The following NXPE2 variants were observed in gnomAD, a reference collection of about 807,000 sequenced individuals.
The protein encoded by NXPE2 is NXPE family member 2.
A neutral mutation model predicts 34.4 loss-of-function variants in NXPE2; 34 were observed. The ratio of observed to expected loss-of-function variants is 0.99; its 90% CI spans 0.75 to 1.31. The LOEUF (loss-of-function observed/expected upper bound fraction) is 1.31. Ranked by LOEUF, NXPE2 falls within the 40% of genes most tolerant of loss-of-function variation. NXPE2 has a pLI of 0.00. For synonymous variants in NXPE2, 235 were observed against 231.3 expected, an observed-to-expected ratio of 1.02 and a Z score of -0.15; for missense variants, 649 against 672.5, an observed-to-expected ratio of 0.97 and a Z score of 0.39.
intron 2 of NXPE2, among the ~76,000 whole-genome samples, chr11:114,685,295 C>T (rs935907146): frequency 1.3e-5 from 2 of 152,256 alleles, no homozygotes; most frequent in African/African-American, 2.4e-5. Flanking sequence ...ATTCTGGAAG[C>T]TGCAAAGTCC....
At chr11:114,606,112 T>C in the NXPE2 span, among the ~76,000 whole-genome samples, 1 of 151,506 alleles carries the variant, frequency 6.6e-6, no homozygotes, top group African/African-American at 2.4e-5. Context: ...CACTGTTATC[T>C]GGTGGATAAT....
chr11:114,557,740 A>T, the NXPE2 span, among the ~76,000 whole-genome samples: 1 of 148,804 alleles, frequency 6.7e-6, no homozygotes, highest in East Asian at 2.0e-4. Flanking sequence ...GCCGTTCTCT[A>T]CTGTCATTTG....
the NXPE2 span, among the ~76,000 whole-genome samples, chr11:114,506,182 C>T: frequency 5.8e-4 from 88 of 150,468 alleles, no homozygotes; most frequent in African/African-American, 2.1e-3. Context: ...GAAGATCTAG[C>T]CAACTTAAAT....
At chr11:114,638,636 G>A in the NXPE2 span, among the ~76,000 whole-genome samples, 1 of 151,972 alleles carries the variant, frequency 6.6e-6, no homozygotes, top group East Asian at 1.9e-4. Flanking sequence ...GTACAGATAG[G>A]TTTTTGGTGT....
chr11:114,764,523 T>C, the NXPE2 span, among the ~76,000 whole-genome samples: 4 of 152,308 alleles, frequency 2.6e-5, no homozygotes, highest in East Asian at 7.7e-4. Flanking sequence ...TGTTACCAAC[T>C]GATGAGTCTG....
the NXPE2 span, chr11:114,526,789 G>A: frequency 1.3e-5 from 2 of 152,146 alleles, no homozygotes; most frequent in African/African-American, 4.8e-5. Context: ...ATTTTTTAGT[G>A]TAAGTATGGT....
chr11:114,467,760 C>T, the NXPE2 span, among the ~76,000 whole-genome samples: 3 of 151,808 alleles, frequency 2.0e-5, no homozygotes, highest in African/African-American at 7.2e-5. Flanking sequence ...CATGGTGAAA[C>T]CCCATCTCTA....
At chr11:114,781,963 A>G in the NXPE2 span, among the ~76,000 whole-genome samples, 24 of 152,282 alleles carry the variant, frequency 1.6e-4, no homozygotes, top group Admixed American at 6.5e-4. Flanking sequence ...TAGAAATGAC[A>G]TATGTGCAGT....
chr11:114,512,325 C>T, the NXPE2 span, among the ~76,000 whole-genome samples: 1 of 152,132 alleles, frequency 6.6e-6, no homozygotes, highest in Admixed American at 6.5e-5. Flanking sequence ...TCACTTTCCC[C>T]CTGTCTAATT....
At chr11:114,539,573 G>A in the NXPE2 span, among the ~76,000 whole-genome samples, 5 of 152,062 alleles carry the variant, frequency 3.3e-5, no homozygotes, top group African/African-American at 9.7e-5. Flanking sequence ...ACATGATAAA[G>A]TTGTTAATTC....
the NXPE2 span, among the ~76,000 whole-genome samples, chr11:114,603,481 T>C: frequency 2.0e-5 from 3 of 151,400 alleles, no homozygotes; most frequent in African/African-American, 7.3e-5. Flanking sequence ...TTGCCTCGTC[T>C]CCTAGGTAAC....
the NXPE2 span, among the ~76,000 whole-genome samples, chr11:114,607,015 G>A: frequency 5.3e-5 from 8 of 152,038 alleles, no homozygotes; most frequent in Admixed American, 5.2e-4. Context: ...ATTGCCTCTA[G>A]AGTAATCACG....
the NXPE2 span, among the ~76,000 whole-genome samples, chr11:114,627,258 G>A: frequency 6.6e-6 from 1 of 151,914 alleles, no homozygotes; most frequent in Non-Finnish European, 1.5e-5. Context: ...AATGTTAAAG[G>A]CAGCCAGAGA....
At chr11:114,728,832 A>G in the NXPE2 span, among the ~76,000 whole-genome samples, 1 of 152,166 alleles carries the variant, frequency 6.6e-6, no homozygotes, top group Non-Finnish European at 1.5e-5. Context: ...AAAGAGACAC[A>G]TATAGATCAA....
the NXPE2 span, among the ~76,000 whole-genome samples, chr11:114,662,943 C>T: frequency 1.2e-3 from 189 of 152,262 alleles, no homozygotes; most frequent in African/African-American, 4.3e-3. Context: ...ATGAGGCTTG[C>T]TCTCTATAAG....
chr11:114,473,658 T>A, the NXPE2 span, among the ~76,000 whole-genome samples: 1 of 152,246 alleles, frequency 6.6e-6, no homozygotes, highest in African/African-American at 2.4e-5. Context: ...ATTGTTTCAT[T>A]GGAAGAAATG....
At chr11:114,788,793 A>G in the NXPE2 span, among the ~76,000 whole-genome samples, 1 of 152,084 alleles carries the variant, frequency 6.6e-6, no homozygotes, top group South Asian at 2.1e-4. Context: ...TCCATAGTAC[A>G]TTGTGTGGAT....
intron 2 of NXPE2, among the ~76,000 whole-genome samples, chr11:114,686,426 T>G (rs1951049062): frequency 6.6e-6 from 1 of 152,168 alleles, no homozygotes; most frequent in Non-Finnish European, 1.5e-5. Context: ...GCTGCATCCA[T>G]GTTGCTACAA....
At chr11:114,550,116 T>A in the NXPE2 span, among the ~76,000 whole-genome samples, 1 of 152,238 alleles carries the variant, frequency 6.6e-6, no homozygotes, top group African/African-American at 2.4e-5. Context: ...AAACTTAACA[T>A]CATAAGGATG....
Sources: allele counts gnomAD v4.1 joint callset (sites outside exome capture counted in the v4.1 genomes callset), GRCh38; gene constraint gnomAD v4.1.1; transcripts MANE v1.5; gene names NCBI Gene and HGNC (gene_info 2026-07-23, HGNC 2026-07-21).